PDE9A: variants seen among roughly 807,000 people sequenced by gnomAD.
PDE9A encodes phosphodiesterase 9A.
In PDE9A, 60 loss-of-function variants were observed where a neutral mutation model predicts 87.4. The ratio of observed to expected loss-of-function variants is 0.69; its 90% CI spans 0.56 to 0.85. PDE9A has a LOEUF of 0.85. Ranked by LOEUF, PDE9A falls within the 40% of genes least tolerant of loss-of-function variation. The pLI, the probability that PDE9A is intolerant of heterozygous loss-of-function variation, is 0.00. For synonymous variants in PDE9A, 272 were observed against 279.4 expected (o/e 0.97, Z 0.27); for missense variants, 665 against 779.0 (o/e 0.85, Z 1.74).
chr21:42,767,078 G>A (rs2056478572), intron 15 of PDE9A, among the ~76,000 whole-genome samples: 1 of 152,104 alleles, frequency 6.6e-6, no homozygotes, highest in Non-Finnish European at 1.5e-5. Flanking sequence ...ATGACAAGCA[G>A]CACGGCCAGG....
chr21:42,682,134 C>T (rs1316081916), intron 1 of PDE9A, among the ~76,000 whole-genome samples: 1 of 152,266 alleles, frequency 6.6e-6, no homozygotes, highest in Admixed American at 6.5e-5. Flanking sequence ...TCATGACTCT[C>T]ATCCAGATCT....
chr21:42,769,661 TAGGCACACAAATGCACACACAGGC>T (rs2056823191), intron 17 of PDE9A, among the ~76,000 whole-genome samples: 3 of 33,326 alleles, frequency 9.0e-5, no homozygotes, highest in African/African-American at 7.7e-4. Flanking sequence ...CAGGCACACA[TAGGCACACAAATGCACACACAGGC>T]ACACACATAC....
chr21:42,676,758 A>G (rs1439151972), intron 1 of PDE9A, among the ~76,000 whole-genome samples: 1 of 152,160 alleles, frequency 6.6e-6, no homozygotes, highest in East Asian at 1.9e-4. Flanking sequence ...TTTGCCTTCC[A>G]TGTCTTGGAG....
At chr21:42,726,606 A>ATTTT (rs2051081745) in intron 4 of PDE9A, among the ~76,000 whole-genome samples, 1 of 20,368 alleles carries the variant, frequency 4.9e-5, no homozygotes, top group African/African-American at 4.6e-4. Context: ...ATATATATAT[A>ATTTT]TATATATATA....
chr21:42,751,453 G>A (rs1031668261), intron 9 of PDE9A, among the ~76,000 whole-genome samples: 1 of 152,096 alleles, frequency 6.6e-6, no homozygotes, highest in Non-Finnish European at 1.5e-5. Flanking sequence ...GCCCGGCCCC[G>A]GGAGCTGACC....
At chr21:42,662,383 G>A (rs986459680) in intron 1 of PDE9A, among the ~76,000 whole-genome samples, 1 of 152,056 alleles carries the variant, frequency 6.6e-6, no homozygotes, top group African/African-American at 2.4e-5. Context: ...ACCGAAGGAA[G>A]GGGCAGAAAG....
At chr21:42,686,362 G>T in intron 2 of PDE9A, 100 bp downstream of exon 2, 1 of 904,710 alleles carries the variant, frequency 1.1e-6, no homozygotes, top group Non-Finnish European at 1.8e-6. Flanking sequence ...AGGGCCCGAG[G>T]CACCGGCCTT....
At chr21:42,752,265 T>TG (rs2054516160) in intron 9 of PDE9A, among the ~76,000 whole-genome samples, 1 of 152,026 alleles carries the variant, frequency 6.6e-6, no homozygotes, top group Admixed American at 6.6e-5. Flanking sequence ...TGGGTGGATT[T>TG]GGGGGGTTTT....
intron 1 of PDE9A, among the ~76,000 whole-genome samples, chr21:42,668,903 C>CCCCCA (rs1454636621): frequency 1.4e-5 from 2 of 140,690 alleles, no homozygotes; most frequent in African/African-American, 5.5e-5. Context: ...CCTCCACCCC[C>CCCCCA]CGCCACGTCC....
intron 4 of PDE9A, among the ~76,000 whole-genome samples, chr21:42,715,353 G>T (rs1385079347): frequency 6.6e-6 from 1 of 152,074 alleles, no homozygotes; most frequent in Non-Finnish European, 1.5e-5. Context: ...ACAGCCGGGC[G>T]CACTGGCTCA....
intron 3 of PDE9A, chr21:42,697,398 T>C (rs147695501): frequency 2.5e-5 from 40 of 1,570,160 alleles, no homozygotes; most frequent in South Asian, 3.3e-5. Flanking sequence ...CCATATTCAC[T>C]GTGTTTCTTC....
chr21:42,767,044 C>T lies in PDE9A; in HGVS notation c.1357-1144C>T, dbSNP rs118044590. ...TCAGAGCCCAGGGTTCCGTTTATCC[C>T]AACGACCTGCACCGCGGGGTCAGAT... On this transcript the variant is annotated intron_variant, in intron 15 of 19. Coordinates refer to ENST00000291539, the MANE Select transcript of PDE9A (RefSeq NM_002606.3). 9.0e-3 allele frequency among the ~76,000 whole-genome samples: 1,372 copies of T among 152,266 alleles called. 18 individuals are homozygous for T. The highest frequency in any genetic ancestry group is 0.047 in the South Asian group (226 of 4,824).
intron 4 of PDE9A, among the ~76,000 whole-genome samples, chr21:42,709,768 C>T (rs970231320): frequency 6.6e-6 from 1 of 152,174 alleles, no homozygotes; most frequent in Non-Finnish European, 1.5e-5. Context: ...ACTGCAGCCT[C>T]GACCTCCTGG....
intron 4 of PDE9A, among the ~76,000 whole-genome samples, chr21:42,706,176 A>G (rs1396421995): frequency 6.6e-6 from 1 of 152,212 alleles, no homozygotes; most frequent in African/African-American, 2.4e-5. Context: ...TGGTGACCAA[A>G]TGCATTTACA....
intron 1 of PDE9A, among the ~76,000 whole-genome samples, chr21:42,669,680 G>A (rs1023922130): frequency 6.6e-6 from 1 of 152,078 alleles, no homozygotes; most frequent in Non-Finnish European, 1.5e-5. Flanking sequence ...GTATGTTCTC[G>A]GGCCTCAGTT....
chr21:42,748,865 G>T (rs932187176), intron 8 of PDE9A, among the ~76,000 whole-genome samples: 6 of 152,128 alleles, frequency 3.9e-5, no homozygotes, highest in Non-Finnish European at 5.9e-5. Flanking sequence ...TCCTCGTAGC[G>T]TGGCATTTTT....
chr21:42,746,842 G>A (rs1313943406), intron 8 of PDE9A, among the ~76,000 whole-genome samples: 1 of 152,200 alleles, frequency 6.6e-6, no homozygotes, highest in Non-Finnish European at 1.5e-5. Flanking sequence ...CTTCCCCCAG[G>A]AGTACATTTT....
intron 4 of PDE9A, among the ~76,000 whole-genome samples, chr21:42,709,420 T>A (rs1602188328): frequency 1.3e-5 from 2 of 152,236 alleles, no homozygotes; most frequent in East Asian, 3.9e-4. Flanking sequence ...CTGTGTAACA[T>A]CCCTGCATGT....
chr21:42,736,387 A>T (rs947256059), intron 7 of PDE9A, among the ~76,000 whole-genome samples: 1 of 152,088 alleles, frequency 6.6e-6, no homozygotes, highest in Non-Finnish European at 1.5e-5. Context: ...GGCCCATAGG[A>T]CCTTCCCCCC....
Sources: allele counts gnomAD v4.1 joint callset (sites outside exome capture counted in the v4.1 genomes callset), GRCh38; gene constraint gnomAD v4.1.1; transcripts MANE v1.5; gene names NCBI Gene and HGNC (gene_info 2026-07-23, HGNC 2026-07-21).